Variants in EI24 observed in about 807,000 individuals in gnomAD.
The protein encoded by EI24 is EI24 autophagy associated transmembrane protein, also known as etoposide-induced protein 2.4 homolog.
Under a neutral mutation model 48.6 loss-of-function variants are expected in EI24, and 21 were observed. That is an observed-to-expected ratio of 0.43 (90% CI 0.31 to 0.62). EI24 has a LOEUF of 0.62. Among genes scored for constraint, EI24 ranks in the 20% least tolerant of loss-of-function variants. The pLI is 0.10. For missense variants in EI24, 280 were observed against 410.5 expected, an observed-to-expected ratio of 0.68 and a Z score of 2.75; for synonymous variants, 114 against 145.5, an observed-to-expected ratio of 0.78 and a Z score of 1.56.
intron 3 of EI24, chr11:125,575,664 G>A (rs554167832): frequency 1.1e-5 from 3 of 274,410 alleles, no homozygotes; most frequent in Non-Finnish European, 2.2e-5. Flanking sequence ...AGGGAAGCCT[G>A]TGTGGATTTA....
chr11:125,575,527 G>A lies in EI24; in HGVS notation c.188+119G>A, dbSNP rs571064807. 6.7e-6 allele frequency: 8 copies of A among 1,189,412 alleles called. 1 individual carries two copies. In the South Asian group the frequency reaches 1.4e-4, roughly 21 times the overall value. 73.7% of individuals were successfully genotyped at this position (1,189,412 alleles called of 1,614,324 possible). On this transcript the variant is annotated intron_variant, in intron 3 of 10. Transcript: ENST00000278903. Reference sequence around the variant, plus strand: ...TTTTTCCCAGAAAAATGTTGCAAGTGATTTCCCCCCAACAACATTGACTTA... The same window carrying A: ...TTTTTCCCAGAAAAATGTTGCAAGTAATTTCCCCCCAACAACATTGACTTA...
At chr11:125,581,089 TAATA>T in intron 8 of EI24, 118 bp from the exon 9 acceptor site, 1 of 232,772 alleles carries the variant, frequency 4.3e-6, no homozygotes, top group Non-Finnish European at 7.7e-6. Flanking sequence ...ATAATAATAA[TAATA>T]ATAATAATAA....
At position 125,580,348 on chromosome 11, in the gene EI24, C is replaced by T. The variant is rs1409574379; in HGVS notation, c.673+144C>T. The T allele has an allele frequency of 7.4e-6, 5 of 678,212 alleles. No individual in the cohort carries two copies. In the African/African-American group the frequency reaches 8.9e-5, roughly 12 times the overall value. 42.0% of individuals were successfully genotyped at this position (678,212 alleles called of 1,614,324 possible). ...GCCTCATTGGCAAGAGGGAGCTTAC[C>T]TTCGGCTTAGTGGGTTTAACTCTCA... is the stretch of plus-strand genomic sequence containing the variant. On this transcript the variant is annotated intron_variant, in intron 8 of 10. Coordinates refer to ENST00000278903, the MANE Select transcript of EI24 (RefSeq NM_004879.5).
intron 8 of EI24, 128 bp from the exon 9 acceptor site, chr11:125,581,083 T>A (rs1591360560): frequency 5.5e-6 from 1 of 182,312 alleles, no homozygotes; most frequent in Admixed American, 7.0e-5. Context: ...TCTCAAATAA[T>A]AATAATAATA....
intron 1 of EI24, among the ~76,000 whole-genome samples, chr11:125,572,126 G>C (rs1209587123): frequency 6.6e-6 from 1 of 152,202 alleles, no homozygotes; most frequent in Non-Finnish European, 1.5e-5. Flanking sequence ...AAAGTGCTTA[G>C]AATGTGTAGG....
chr11:125,583,647 G>T lies in EI24; in HGVS notation c.987G>T (p.Pro329=). 1 of 1,613,226 alleles carries T rather than the reference G, an allele frequency of 6.2e-7. No individual in the cohort carries two copies. Among genetic ancestry groups the T allele is most frequent in the South Asian group, 1.1e-5 (1 of 90,926 alleles). ...TSAEKFPSPH[P]SPAKLKATAG... ...CAGAGAAGTTCCCTTCACCGCATCC[G>T]TCGCCTGCCAAACTGAAGGCTACTG... The change falls in exon 11 of 11, where the codon CCG becomes CCT. Residue 329 remains proline (P), a synonymous_variant. Transcript: ENST00000278903.
chr11:125,576,025 A>G, intron 3 of EI24: 1 of 517,502 alleles, frequency 1.9e-6, no homozygotes, highest in South Asian at 2.1e-5. Context: ...TCCTGACCTC[A>G]GTTGATCGCC....
At chr11:125,578,406 T>C in intron 6 of EI24, 149 bp downstream of exon 6, 2 of 1,000,702 alleles carry the variant, frequency 2.0e-6, no homozygotes, top group Non-Finnish European at 3.0e-6. Context: ...CTGATCTTTG[T>C]GTTCTTACAG....
intron 1 of EI24, among the ~76,000 whole-genome samples, chr11:125,571,318 G>C (rs1430131126): frequency 6.6e-6 from 1 of 152,162 alleles, no homozygotes; most frequent in Admixed American, 6.6e-5. Flanking sequence ...CTTAAAAAAT[G>C]CCTGAAAGTG....
At chr11:125,575,763 G>T (rs999484668) in intron 3 of EI24, 4 of 250,134 alleles carry the variant, frequency 1.6e-5, no homozygotes, top group South Asian at 3.8e-5. Flanking sequence ...TCTTTTAAAA[G>T]CTGGTTCCAT....
chr11:125,581,611 A>T (rs1164625586), intron 9 of EI24, among the ~76,000 whole-genome samples: 1 of 122,742 alleles, frequency 8.1e-6, no homozygotes, highest in Non-Finnish European at 1.6e-5. Context: ...CAGTGGTGTA[A>T]TCTCAGCTCA....
At chr11:125,582,895 T>A (rs1235948693) in intron 10 of EI24, among the ~76,000 whole-genome samples, 1 of 152,214 alleles carries the variant, frequency 6.6e-6, no homozygotes, top group Non-Finnish European at 1.5e-5. Flanking sequence ...AAGAGGAATA[T>A]TTGACTTTCT....
At position 125,575,402 on chromosome 11, in the gene EI24, A is replaced by G; in HGVS notation, c.182A>G (p.Gln61Arg). Residue 61 changes from glutamine to arginine, a missense_variant, in exon 3 of 11, where the codon CAA becomes CGA. This residue lies in a region of EI24 where 204 missense variants were observed against 294.1 expected (regional missense o/e 0.69). Coordinates refer to ENST00000278903, the MANE Select transcript of EI24 (RefSeq NM_004879.5). ...QRRAQSIERK[Q>R]ESEPRIVSRI... is the part of the protein sequence containing the mutation. ...AGAGCCCAGAGTATAGAGCGGAAGC[A>G]AGAGAGGTAAGGAGTGCATGCCTGA... The G allele has an allele frequency of 6.3e-7, 1 of 1,590,800 alleles. No homozygotes were observed. The highest frequency in any genetic ancestry group is 8.6e-7 in the Non-Finnish European group (1 of 1,167,712).
At chr11:125,577,447 A>T (rs375815557) in intron 4 of EI24, 57 bp from the exon 5 acceptor site, 2 of 1,501,738 alleles carry the variant, frequency 1.3e-6, no homozygotes, top group Non-Finnish European at 1.8e-6. Context: ...CTAAAAATTG[A>T]AGCTCCTGTT....
intron 8 of EI24, chr11:125,580,791 C>T (rs1426782047): frequency 6.5e-6 from 1 of 153,556 alleles, no homozygotes; most frequent in Non-Finnish European, 1.4e-5. Flanking sequence ...TAAATCTGTA[C>T]CTAGGCTGGG....
At position 125,579,072 on chromosome 11, in the gene EI24, A is replaced by G. The variant is rs1332585183; in HGVS notation, c.561+4A>G. The G allele has an allele frequency of 6.4e-6, 10 of 1,559,332 alleles. No homozygotes were observed. The South Asian group carries it at 1.1e-4, about 17-fold the overall frequency. On this transcript the variant is annotated splice_donor_region_variant and intron_variant, in intron 7 of 10. Transcript: ENST00000278903. The stretch of plus-strand genomic sequence containing the variant: ...GCAGGCTCTTTTCCTCATTCAGGTG[A>G]GACTGACCTTCTGGGCATATGGGCA...
intron 2 of EI24, among the ~76,000 whole-genome samples, chr11:125,573,247 A>G (rs1938596952): frequency 6.6e-6 from 1 of 152,120 alleles, no homozygotes; most frequent in Non-Finnish European, 1.5e-5. Context: ...GCACGTGAGG[A>G]GGATACTCTA....
rs780869331 is a variant in EI24 at position 125,575,287 on chromosome 11, A to G, written c.67A>G (p.Ile23Val). 6.4e-7 allele frequency: 1 copy of G among 1,551,474 alleles called. No homozygotes were observed. The highest frequency in any genetic ancestry group is 8.7e-7 in the Non-Finnish European group (1 of 1,146,942). ...ARGIKDSIWG[I>V]CTISKLDARI... ...GGGAATCAAAGACTCCATCTGGGGTATTTGTACCATCTCAAAGCTAGATGC... is the reference window on the plus strand; with the variant it reads ...GGGAATCAAAGACTCCATCTGGGGTGTTTGTACCATCTCAAAGCTAGATGC... The change falls in exon 3 of 11, where the codon ATT becomes GTT. Residue 23 changes from isoleucine to valine, a missense_variant. Physicochemically the swap from Ile to Val is conservative, Grantham distance 29. Around this residue, in one of 3 missense-constraint regions of EI24, gnomAD observed 204 missense variants for 294.1 expected, o/e 0.69. Coordinates refer to ENST00000278903, the MANE Select transcript of EI24 (RefSeq NM_004879.5).
intron 1 of EI24, chr11:125,570,042 C>CTTTT (rs1448197060): frequency 2.0e-5 from 3 of 152,442 alleles, no homozygotes; most frequent in Non-Finnish European, 4.4e-5. Context: ...AAAAGTGTGT[C>CTTTT]TCAGCAGATG....
Sources: allele counts gnomAD v4.1 joint callset (sites outside exome capture counted in the v4.1 genomes callset), GRCh38; gene constraint gnomAD v4.1.1; regional missense constraint gnomAD v4.1.1; transcripts MANE v1.5; gene names NCBI Gene and HGNC (gene_info 2026-07-23, HGNC 2026-07-21).